The following NFX1 variants were observed in gnomAD, a reference collection of about 807,000 sequenced individuals.
The protein encoded by NFX1 is nuclear transcription factor, X-box binding 1, also known as transcriptional repressor NF-X1.
Under a neutral mutation model 137.2 loss-of-function variants are expected in NFX1, and 69 were observed. That is an observed-to-expected ratio of 0.50 (90% CI 0.41 to 0.61). The LOEUF is 0.61. Among genes scored for constraint, NFX1 ranks in the 20% least tolerant of loss-of-function variants. The pLI is 0.00. For synonymous variants in NFX1, 495 were observed against 474.1 expected (o/e 1.04, Z -0.57); for missense variants, 1,167 against 1,391.0 (o/e 0.84, Z 2.56).
At chr9:33,326,793 A>G (rs574775093) in intron 9 of NFX1, among the ~76,000 whole-genome samples, 24 of 152,238 alleles carry the variant, frequency 1.6e-4, no homozygotes, top group African/African-American at 5.5e-4. Flanking sequence ...AACATTATAT[A>G]AAGTTCTAAC....
At chr9:33,321,593 A>T (rs562143206) in intron 9 of NFX1, among the ~76,000 whole-genome samples, 1 of 152,214 alleles carries the variant, frequency 6.6e-6, no homozygotes, top group Non-Finnish European at 1.5e-5. Flanking sequence ...GCAACCATCA[A>T]GGCTGGGCAT....
chr9:33,367,103 GTCTGTCCTCTCCTTGGC>G (rs1824191709), intron 22 of NFX1, among the ~76,000 whole-genome samples: 1 of 152,182 alleles, frequency 6.6e-6, no homozygotes, highest in Non-Finnish European at 1.5e-5. Context: ...CTGTTCCTCT[GTCTGTCCTCTCCTTGGC>G]TCTGTCCTCT....
chr9:33,348,005 A>C (rs546456813), intron 15 of NFX1: 1 of 153,330 alleles, frequency 6.5e-6, no homozygotes, highest in Non-Finnish European at 1.5e-5. Flanking sequence ...GAATGATACA[A>C]TGGACTTTGG....
chr9:33,329,319 T>G (rs1822713704), intron 10 of NFX1, among the ~76,000 whole-genome samples: 1 of 152,200 alleles, frequency 6.6e-6, no homozygotes, highest in Admixed American at 6.5e-5. Flanking sequence ...TATTGTGCAA[T>G]CATAGTTGAC....
intron 16 of NFX1, 103 bp downstream of exon 16, chr9:33,351,893 G>A: frequency 9.8e-7 from 1 of 1,018,982 alleles, no homozygotes; most frequent in Non-Finnish European, 1.4e-6. Context: ...CTTAATTAAG[G>A]GTCATTGGTT....
chr9:33,360,029 T>G (rs1404831183), intron 19 of NFX1, among the ~76,000 whole-genome samples: 1 of 152,206 alleles, frequency 6.6e-6, no homozygotes, highest in Non-Finnish European at 1.5e-5. Context: ...GTTTGACCCT[T>G]ATAATAACTT....
chr9:33,330,058 T>C (rs891653685), intron 10 of NFX1, among the ~76,000 whole-genome samples: 6 of 152,210 alleles, frequency 3.9e-5, no homozygotes, highest in Non-Finnish European at 8.8e-5. Flanking sequence ...CCTCCCAAAA[T>C]GCTGGGATTA....
Position 33,318,970 on chromosome 9 carries a change from A to G in NFX1, c.1749A>G (p.Gln583=), listed in dbSNP as rs1477602304. Residue 583 remains glutamine (Q), a synonymous_variant, in exon 9 of 24, where the codon CAA becomes CAG. Transcript: ENST00000379540. Reference sequence around the variant, plus strand: ...TGTGCCACCCTCAGCCCTGCCAGCAATGCCCACGGCTCCCCCAGCTGGTGC... The same window carrying G: ...TGTGCCACCCTCAGCCCTGCCAGCAGTGCCCACGGCTCCCCCAGCTGGTGC... ...SQVCHPQPCQ[Q]CPRLPQLVRC... 2 of 1,614,080 alleles carry G rather than the reference A, an allele frequency of 1.2e-6. No individual in the cohort carries two copies. The highest frequency in any genetic ancestry group is 1.3e-5 in the African/African-American group (1 of 74,930).
At chr9:33,304,092 C>A (rs1163835114) in intron 4 of NFX1, among the ~76,000 whole-genome samples, 2 of 152,144 alleles carry the variant, frequency 1.3e-5, no homozygotes, top group African/African-American at 4.8e-5. Flanking sequence ...CATGGTGAAA[C>A]CCCGTCTCTA....
At chr9:33,308,877 A>C (rs1587827089) in intron 5 of NFX1, among the ~76,000 whole-genome samples, 1 of 152,066 alleles carries the variant, frequency 6.6e-6, no homozygotes, top group Non-Finnish European at 1.5e-5. Context: ...TGATCAAGGC[A>C]TGGTGGTGGC....
intron 11 of NFX1, among the ~76,000 whole-genome samples, chr9:33,336,538 C>G (rs991512006): frequency 2.6e-5 from 4 of 151,930 alleles, no homozygotes; most frequent in African/African-American, 9.7e-5. Flanking sequence ...TAAATCATAG[C>G]CATCCTAGTG....
intron 1 of NFX1, 68 bp from the exon 2 acceptor site, chr9:33,294,352 T>C: frequency 2.9e-6 from 4 of 1,391,824 alleles, no homozygotes; most frequent in Non-Finnish European, 3.9e-6. Context: ...TAGATTTGGC[T>C]TGGAGTCTAT....
At chr9:33,318,354 G>A (rs1035195519) in intron 7 of NFX1, among the ~76,000 whole-genome samples, 1 of 152,212 alleles carries the variant, frequency 6.6e-6, no homozygotes, top group African/African-American at 2.4e-5. Context: ...AACATCACCA[G>A]AGGACCCGCA....
chr9:33,335,700 T>TA lies in NFX1; in HGVS notation c.2036-2809dup, dbSNP rs1001788897. Among the ~76,000 whole-genome samples the TA allele has an allele frequency of 5.8e-4, 88 of 152,300 alleles. 1 individual carries two copies. Among genetic ancestry groups the TA allele is most frequent in the Admixed American group, 2.0e-4 (3 of 15,294 alleles). On this transcript the variant is annotated intron_variant, in intron 11 of 23. Coordinates refer to ENST00000379540, the MANE Select transcript of NFX1 (RefSeq NM_002504.6). ...GGAAGCCCTGTATTAATTAAGCATT[T>TA]ACTCCCCACTCAGTCCTCCCCCAGG...
intron 23 of NFX1, among the ~76,000 whole-genome samples, chr9:33,369,169 C>T (rs1464080161): frequency 6.6e-6 from 1 of 152,034 alleles, no homozygotes; most frequent in Admixed American, 6.6e-5. Flanking sequence ...GGGTTCATGC[C>T]ATTCTCCTGC....
At chr9:33,335,531 C>A (rs915337756) in intron 11 of NFX1, among the ~76,000 whole-genome samples, 3 of 152,016 alleles carry the variant, frequency 2.0e-5, no homozygotes, top group African/African-American at 4.8e-5. Flanking sequence ...CCGTGCCCAA[C>A]CTTTTTTTAA....
In NFX1 at chr9:33,363,020, A is replaced by G. The variant is rs540078599; in HGVS notation, c.2874-990A>G. 3.5e-4 allele frequency among the ~76,000 whole-genome samples: 53 copies of G among 151,824 alleles called. 1 individual carries two copies. The South Asian group carries it at 7.5e-3, about 21-fold the overall frequency. On this transcript the variant is annotated intron_variant, in intron 19 of 23. Coordinates refer to ENST00000379540, the MANE Select transcript of NFX1 (RefSeq NM_002504.6). ...TACCCAGCCTAAGTTCTCGTGTTCT[A>G]TGGCACACTGGGGTGATGATGGTTA...
intron 11 of NFX1, among the ~76,000 whole-genome samples, chr9:33,333,379 C>T (rs1342131942): frequency 6.6e-6 from 1 of 152,014 alleles, no homozygotes; most frequent in Non-Finnish European, 1.5e-5. Context: ...CAGAACAAGT[C>T]CGAGATTGGT....
chr9:33,339,672 G>A (rs1823147066), intron 12 of NFX1, among the ~76,000 whole-genome samples: 6 of 152,286 alleles, frequency 3.9e-5, no homozygotes, highest in Admixed American at 3.3e-4. Flanking sequence ...AAGGCAAGTC[G>A]CTTTGCCTAT....
Sources: allele counts gnomAD v4.1 joint callset (sites outside exome capture counted in the v4.1 genomes callset), GRCh38; gene constraint gnomAD v4.1.1; transcripts MANE v1.5; gene names NCBI Gene and HGNC (gene_info 2026-07-23, HGNC 2026-07-21).